Variants in GRM7 observed in about 807,000 individuals in gnomAD.
The protein encoded by GRM7 is metabotropic glutamate receptor 7.
A neutral mutation model predicts 84.5 loss-of-function variants in GRM7; 35 were observed. The observed-to-expected ratio is 0.41, with a 90% confidence interval of 0.32 to 0.55. The LOEUF is 0.55. GRM7 is among the 20% of genes least tolerant of loss of function. The pLI, the probability that GRM7 is intolerant of heterozygous loss-of-function variation, is 0.19. For synonymous variants in GRM7, 487 were observed against 455.1 expected, an observed-to-expected ratio of 1.07 and a Z score of -0.89; for missense variants, 1,003 against 1,194.6, an observed-to-expected ratio of 0.84 and a Z score of 2.36.
intron 1 of GRM7, among the ~76,000 whole-genome samples, chr3:6,916,443 C>T (rs1046587926): frequency 6.6e-5 from 10 of 152,156 alleles, no homozygotes; most frequent in African/African-American, 2.4e-4. Context: ...TAGGGGGAGT[C>T]ACTGAAATGA....
chr3:7,089,814 G>T (rs13072518), intron 1 of GRM7, among the ~76,000 whole-genome samples: 86,314 of 151,958 alleles, frequency 0.57, 26,550 homozygotes, highest in African/African-American at 0.83. Flanking sequence ...AGAGTAATGC[G>T]AGAGGATCAC....
At chr3:7,539,158 A>G (rs536378719) in intron 7 of GRM7, among the ~76,000 whole-genome samples, 14 of 152,334 alleles carry the variant, frequency 9.2e-5, no homozygotes, top group Middle Eastern at 3.4e-3. Context: ...TATCGTACCC[A>G]GATCAGAAGA....
intron 2 of GRM7, among the ~76,000 whole-genome samples, chr3:7,290,124 TAATA>T (rs1362557084): frequency 1.3e-5 from 2 of 152,290 alleles, no homozygotes; most frequent in Admixed American, 1.3e-4. Context: ...GAAAGTTGCT[TAATA>T]AATATTTTTT....
At chr3:6,902,048 C>A (rs897368597) in intron 1 of GRM7, among the ~76,000 whole-genome samples, 2 of 151,938 alleles carry the variant, frequency 1.3e-5, no homozygotes, top group African/African-American at 4.8e-5. Flanking sequence ...GAGAAAAAAA[C>A]CTAATTTTTA....
chr3:7,453,802 A>G (rs755573396), intron 6 of GRM7, among the ~76,000 whole-genome samples: 6 of 152,144 alleles, frequency 3.9e-5, no homozygotes, highest in African/African-American at 1.2e-4. Context: ...TAATACTAAT[A>G]GGCTAAGCGG....
At chr3:7,606,063 G>A (rs762625521) in intron 8 of GRM7, among the ~76,000 whole-genome samples, 162 of 152,278 alleles carry the variant, frequency 1.1e-3, no homozygotes, top group Admixed American at 2.6e-3. Flanking sequence ...ATAGAAACAC[G>A]TTATGTGCAG....
At chr3:7,415,541 T>A (rs989379688) in intron 5 of GRM7, among the ~76,000 whole-genome samples, 10 of 152,130 alleles carry the variant, frequency 6.6e-5, no homozygotes, top group African/African-American at 2.4e-4. Context: ...TATACTTGAT[T>A]AAGGAAACAG....
intron 4 of GRM7, among the ~76,000 whole-genome samples, chr3:7,311,447 T>C (rs188897823): frequency 6.6e-6 from 1 of 151,082 alleles, no homozygotes; most frequent in East Asian, 1.9e-4. Context: ...TGGCAACAGA[T>C]AGACTCTCAA....
intron 8 of GRM7, among the ~76,000 whole-genome samples, chr3:7,663,224 G>A (rs1699540752): frequency 6.6e-6 from 1 of 152,186 alleles, no homozygotes; most frequent in African/African-American, 2.4e-5. Context: ...TGATGGAGAA[G>A]TTGGGCTGGG....
At chr3:6,886,352 AG>A (rs1695695130) in intron 1 of GRM7, among the ~76,000 whole-genome samples, 1 of 152,062 alleles carries the variant, frequency 6.6e-6, no homozygotes, top group South Asian at 2.1e-4. Flanking sequence ...TTTGGGAGTG[AG>A]GGGCTGGGGT....
chr3:6,880,853 T>C (rs1574962451), intron 1 of GRM7, among the ~76,000 whole-genome samples: 1 of 152,232 alleles, frequency 6.6e-6, no homozygotes, highest in African/African-American at 2.4e-5. Context: ...GGTAGCGATG[T>C]TAATTAACTT....
At chr3:7,100,137 T>C (rs1361591797) in intron 1 of GRM7, among the ~76,000 whole-genome samples, 5 of 151,414 alleles carry the variant, frequency 3.3e-5, no homozygotes, top group Admixed American at 2.6e-4. Flanking sequence ...GAAAGTGCAA[T>C]AGAAAAATGG....
intron 1 of GRM7, among the ~76,000 whole-genome samples, chr3:7,116,285 G>A (rs146456020): frequency 1.3e-5 from 2 of 152,228 alleles, no homozygotes; most frequent in Non-Finnish European, 2.9e-5. Context: ...GTTGAAAATC[G>A]TGAATTATAA....
At chr3:7,292,635 T>C (rs976403888) in intron 2 of GRM7, among the ~76,000 whole-genome samples, 1 of 152,050 alleles carries the variant, frequency 6.6e-6, no homozygotes, top group African/African-American at 2.4e-5. Context: ...TGAAACTCTT[T>C]GGATCTCAGT....
intron 1 of GRM7, among the ~76,000 whole-genome samples, chr3:6,889,409 A>G (rs1695841289): frequency 6.6e-6 from 1 of 152,022 alleles, no homozygotes; most frequent in African/African-American, 2.4e-5. Context: ...ACATCCCATC[A>G]ATACCTAATT....
chr3:7,137,227 G>C (rs1028643184), intron 1 of GRM7, among the ~76,000 whole-genome samples: 1 of 151,790 alleles, frequency 6.6e-6, no homozygotes, highest in Admixed American at 6.6e-5. Flanking sequence ...TTTTCCCCTA[G>C]CATTGTTTCT....
chr3:7,322,399 T>C (rs6795360), intron 4 of GRM7, among the ~76,000 whole-genome samples: 5,343 of 152,136 alleles, frequency 0.035, 286 homozygotes, highest in African/African-American at 0.11. Context: ...TTTATGTATG[T>C]ATGTATCTTA....
At chr3:7,510,387 G>C (rs1700162796) in intron 7 of GRM7, among the ~76,000 whole-genome samples, 1 of 152,144 alleles carries the variant, frequency 6.6e-6, no homozygotes, top group African/African-American at 2.4e-5. Context: ...AGGAAGGCAG[G>C]ACTGTATTAG....
intron 6 of GRM7, among the ~76,000 whole-genome samples, chr3:7,458,773 T>C (rs1176190483): frequency 6.6e-6 from 1 of 152,136 alleles, no homozygotes; most frequent in Non-Finnish European, 1.5e-5. Flanking sequence ...TCTCAAATCA[T>C]GTTGTTTAAT....
Sources: allele counts gnomAD v4.1 joint callset (sites outside exome capture counted in the v4.1 genomes callset), GRCh38; gene constraint gnomAD v4.1.1; transcripts MANE v1.5; gene names NCBI Gene and HGNC (gene_info 2026-07-23, HGNC 2026-07-21).